Variants in AAGAB observed in about 807,000 individuals in gnomAD.
The protein encoded by AAGAB is alpha and gamma adaptin binding protein.
In AAGAB, 38 loss-of-function variants were observed where a neutral mutation model predicts 44.1. That is an observed-to-expected ratio of 0.86 (90% CI 0.67 to 1.13). The LOEUF is 1.13. Ranked by LOEUF, AAGAB falls within the 50% of genes most tolerant of loss-of-function variation. The pLI is 0.00. For missense variants in AAGAB, 450 were observed against 373.8 expected (o/e 1.20, Z -1.68); for synonymous variants, 131 against 131.8 (o/e 0.99, Z 0.04).
Position 67,238,096 on chromosome 15 carries a change from T to C in AAGAB, c.74-1276A>G, listed in dbSNP as rs181295530. 3.5e-4 allele frequency among the ~76,000 whole-genome samples: 53 copies of C among 152,284 alleles called. 1 individual carries two copies. Among genetic ancestry groups the C allele is most frequent in the Admixed American group, 3.1e-3 (47 of 15,304 alleles). On this transcript the variant is annotated intron_variant, in intron 1 of 9. Coordinates refer to ENST00000261880, the MANE Select transcript of AAGAB (RefSeq NM_024666.5). ...AACGAATCTTCTGAAGAATAAAAGGTCGGCCCTTTTTTTAGCAAAAAAATT... is the reference window on the plus strand; with the variant it reads ...AACGAATCTTCTGAAGAATAAAAGGCCGGCCCTTTTTTTAGCAAAAAAATT...
At chr15:67,226,954 C>A in intron 5 of AAGAB, 1 of 271,780 alleles carries the variant, frequency 3.7e-6, no homozygotes, top group Non-Finnish European at 7.8e-6. Context: ...CAAGAAACTG[C>A]AAAGAAATAA....
intron 5 of AAGAB, among the ~76,000 whole-genome samples, chr15:67,213,332 C>T (rs1353700816): frequency 6.6e-6 from 1 of 152,066 alleles, no homozygotes; most frequent in Non-Finnish European, 1.5e-5. Flanking sequence ...ATTGGAAATT[C>T]TTAAGCCTTG....
chr15:67,248,037 C>T (rs1039775543), intron 1 of AAGAB, among the ~76,000 whole-genome samples: 2 of 152,208 alleles, frequency 1.3e-5, no homozygotes, highest in African/African-American at 4.8e-5. Context: ...CACAGCTTTA[C>T]TGAACTTTAA....
intron 5 of AAGAB, among the ~76,000 whole-genome samples, chr15:67,219,085 T>C (rs1964012825): frequency 6.6e-6 from 1 of 152,192 alleles, no homozygotes; most frequent in African/African-American, 2.4e-5. Flanking sequence ...CAATGGTATC[T>C]GGGAATTTCC....
intron 1 of AAGAB, among the ~76,000 whole-genome samples, chr15:67,241,576 G>C (rs949070812): frequency 2.0e-5 from 3 of 152,094 alleles, no homozygotes; most frequent in South Asian, 2.1e-4. Flanking sequence ...GCACAGACCT[G>C]GGGTCGGACA....
Position 67,202,419 on chromosome 15 carries a change from C to A in AAGAB, c.*402G>T. The stretch of plus-strand genomic sequence containing the variant: ...CTTGAATGGAGAAAACCCAAATCAC[C>A]CAGGAAAGGTGACACAACTCCTGAT... On this transcript the variant is annotated 3_prime_UTR_variant, in exon 10 of 10. Coordinates refer to ENST00000261880, the MANE Select transcript of AAGAB (RefSeq NM_024666.5). 1 of 167,224 alleles carries A rather than the reference C, an allele frequency of 6.0e-6. No individual in the cohort carries two copies. The highest frequency in any genetic ancestry group is 1.3e-5 in the Non-Finnish European group (1 of 77,210). 10.4% of individuals were successfully genotyped at this position (167,224 alleles called of 1,614,324 possible). A position where few individuals can be genotyped will look rare whatever the true frequency, so the allele number is the denominator to read the frequency against.
At chr15:67,235,356 G>T (rs555537977) in intron 4 of AAGAB, among the ~76,000 whole-genome samples, 1 of 152,218 alleles carries the variant, frequency 6.6e-6, no homozygotes, top group African/African-American at 2.4e-5. Context: ...AGGTTTTGGT[G>T]AACCAAAAAC....
intron 4 of AAGAB, among the ~76,000 whole-genome samples, chr15:67,233,389 T>TG (rs1964387550): frequency 6.6e-6 from 1 of 151,996 alleles, no homozygotes; most frequent in African/African-American, 2.4e-5. Context: ...CCAAAAAAGG[T>TG]GGTATTCTTA....
intron 5 of AAGAB, 91 bp downstream of exon 5, chr15:67,231,723 A>G (rs1964339260): frequency 9.8e-7 from 1 of 1,023,376 alleles, no homozygotes; most frequent in Non-Finnish European, 1.5e-6. Context: ...TACAGATTTC[A>G]TATAGCACTA....
At chr15:67,234,864 A>C (rs1330505533) in intron 4 of AAGAB, among the ~76,000 whole-genome samples, 1 of 152,250 alleles carries the variant, frequency 6.6e-6, no homozygotes, top group African/African-American at 2.4e-5. Flanking sequence ...CTTTAAAATG[A>C]GCAAGGAGAA....
At chr15:67,254,429 G>A in intron 1 of AAGAB, 130 bp downstream of exon 1, 3 of 1,444,268 alleles carry the variant, frequency 2.1e-6, no homozygotes, top group East Asian at 2.5e-5. Flanking sequence ...GAGACTGGGC[G>A]CCTCCACTGA....
chr15:67,213,608 C>CA (rs1963874632), intron 5 of AAGAB, among the ~76,000 whole-genome samples: 1 of 152,016 alleles, frequency 6.6e-6, no homozygotes, highest in Non-Finnish European at 1.5e-5. Flanking sequence ...ATTTACCAGG[C>CA]AATATGACAA....
At chr15:67,228,886 C>G (rs1233972611) in intron 5 of AAGAB, among the ~76,000 whole-genome samples, 1 of 152,064 alleles carries the variant, frequency 6.6e-6, no homozygotes, top group Non-Finnish European at 1.5e-5. Flanking sequence ...CAACAAAAAA[C>G]AAATTAACAC....
At chr15:67,253,782 G>A (rs999157832) in intron 1 of AAGAB, among the ~76,000 whole-genome samples, 3 of 151,764 alleles carry the variant, frequency 2.0e-5, no homozygotes, top group Non-Finnish European at 2.9e-5. Flanking sequence ...AAAGAAGGAA[G>A]GAATGTAGGT....
chr15:67,217,630 C>T (rs1056055116), intron 5 of AAGAB, among the ~76,000 whole-genome samples: 9 of 152,072 alleles, frequency 5.9e-5, no homozygotes, highest in Admixed American at 2.6e-4. Context: ...CTCCGCCTCC[C>T]GGGTTCAAGC....
intron 5 of AAGAB, among the ~76,000 whole-genome samples, chr15:67,230,028 T>A (rs1287847760): frequency 1.3e-5 from 2 of 151,900 alleles, no homozygotes; most frequent in Non-Finnish European, 2.9e-5. Flanking sequence ...TGTATTTTTT[T>A]TTTTTAGCAG....
intron 1 of AAGAB, 89 bp from the exon 2 acceptor site, chr15:67,236,909 ACT>A: frequency 6.6e-6 from 7 of 1,054,318 alleles, no homozygotes; most frequent in Non-Finnish European, 8.0e-6. Context: ...TAAAGCTGGT[ACT>A]TTTGCTGTTT....
At chr15:67,228,130 C>G (rs572001906) in intron 5 of AAGAB, among the ~76,000 whole-genome samples, 1 of 152,304 alleles carries the variant, frequency 6.6e-6, no homozygotes, top group Non-Finnish European at 1.5e-5. Flanking sequence ...AGTCCAGCTT[C>G]TCAATTTACA....
rs886490299 is a variant in AAGAB, at chr15:67,202,479, T to C, written c.*342A>G. 5 of 231,754 alleles carry C rather than the reference T, an allele frequency of 2.2e-5. No individual in the cohort carries two copies. The highest frequency in any genetic ancestry group is 4.2e-5 in the Non-Finnish European group (5 of 117,760). 14.4% of individuals were successfully genotyped at this position (231,754 alleles called of 1,614,324 possible). On this transcript the variant is annotated 3_prime_UTR_variant, in exon 10 of 10. Coordinates refer to ENST00000261880, the MANE Select transcript of AAGAB (RefSeq NM_024666.5). Reference sequence around the variant, plus strand: ...CAAGTGTGAATGCTGGAAATGCTACTTAAAAGGTTGACCAGGAATGGCCTG... The same window carrying C: ...CAAGTGTGAATGCTGGAAATGCTACCTAAAAGGTTGACCAGGAATGGCCTG...
Sources: gnomAD v4.1 joint callset for allele counts (sites outside exome capture counted in the v4.1 genomes callset) on GRCh38, gnomAD v4.1.1 for gene constraint, MANE v1.5 for transcripts, NCBI Gene and HGNC (gene_info 2026-07-23, HGNC 2026-07-21) for gene names.